The following ZFYVE28 variants were observed in gnomAD, a reference collection of about 807,000 sequenced individuals.
The protein encoded by ZFYVE28 is zinc finger FYVE-type containing 28.
A neutral mutation model predicts 82.1 loss-of-function variants in ZFYVE28; 40 were observed. The ratio of observed to expected loss-of-function variants is 0.49; its 90% CI spans 0.38 to 0.63. The LOEUF (loss-of-function observed/expected upper bound fraction) is 0.63, where lower values mean the gene tolerates loss of function less well. Ranked by LOEUF, ZFYVE28 falls within the 30% of genes least tolerant of loss-of-function variation. The pLI, the probability that ZFYVE28 is intolerant of heterozygous loss-of-function variation, is 0.00. For synonymous variants in ZFYVE28, 612 were observed against 546.1 expected (o/e 1.12, Z -1.68); for missense variants, 1,321 against 1,242.1 (o/e 1.06, Z -0.96).
At chr4:2,377,136 C>G (rs1728237237) in intron 1 of ZFYVE28, among the ~76,000 whole-genome samples, 1 of 152,024 alleles carries the variant, frequency 6.6e-6, no homozygotes, top group Non-Finnish European at 1.5e-5. Flanking sequence ...ATTCTCCTGC[C>G]TCAGCCTCCC....
intron 1 of ZFYVE28, among the ~76,000 whole-genome samples, chr4:2,370,814 C>T (rs1253722122): frequency 2.0e-5 from 3 of 152,234 alleles, no homozygotes; most frequent in Non-Finnish European, 2.9e-5. Flanking sequence ...CTCCTGCCCA[C>T]ACTGTGATGC....
chr4:2,416,442 C>G lies in ZFYVE28; in HGVS notation c.39+1843G>C, dbSNP rs1733044682. ...GTTAGTTAAGACCTAAGACACATTT[C>G]TCCAGCTGCCTCCCGCCATTTGTCA... On this transcript the variant is annotated intron_variant, in intron 1 of 12. Transcript: ENST00000290974. This position sits in a 1 kb window ranked among gnomAD's most constrained non-coding sequence, Gnocchi z 4.6. Among the ~76,000 whole-genome samples the G allele has an allele frequency of 6.6e-6, 1 of 152,244 alleles. No individual in the cohort carries two copies. Among genetic ancestry groups the G allele is most frequent in the African/African-American group, 2.4e-5 (1 of 41,466 alleles).
At chr4:2,306,429 C>T (rs910147144) in intron 7 of ZFYVE28, among the ~76,000 whole-genome samples, 15 of 152,202 alleles carry the variant, frequency 9.9e-5, no homozygotes, top group African/African-American at 3.4e-4. Flanking sequence ...ACCAGGCCCC[C>T]GGCACCCTGG....
At chr4:2,378,717 G>A (rs1200893517) in intron 1 of ZFYVE28, among the ~76,000 whole-genome samples, 1 of 152,122 alleles carries the variant, frequency 6.6e-6, no homozygotes, top group Non-Finnish European at 1.5e-5. Flanking sequence ...ACTAGGTATT[G>A]ATCCACCCCT....
At chr4:2,273,151 C>A (rs751930679) in intron 10 of ZFYVE28, 22 bp downstream of exon 10, 2 of 1,594,870 alleles carry the variant, frequency 1.3e-6, no homozygotes, top group Non-Finnish European at 1.7e-6. Context: ...GGCCTCAGAG[C>A]CCGTCCTGAG....
At chr4:2,400,850 C>A (rs909117297) in intron 1 of ZFYVE28, among the ~76,000 whole-genome samples, 4 of 152,230 alleles carry the variant, frequency 2.6e-5, no homozygotes, top group Admixed American at 2.6e-4. Flanking sequence ...CCCACTAACT[C>A]AAATGTTAAC....
intron 1 of ZFYVE28, among the ~76,000 whole-genome samples, chr4:2,411,247 C>T (rs1269818128): frequency 4.6e-5 from 7 of 152,100 alleles, no homozygotes; most frequent in African/African-American, 1.4e-4. Flanking sequence ...GTGTCCCCTA[C>T]ACCCCCTGCC....
intron 1 of ZFYVE28, among the ~76,000 whole-genome samples, chr4:2,415,893 C>T (rs960942618): frequency 6.6e-6 from 1 of 152,238 alleles, no homozygotes; most frequent in African/African-American, 2.4e-5. Context: ...GTTCAGACTG[C>T]CCACAGGGCA....
At chr4:2,312,653 A>C (rs1021139854) in intron 7 of ZFYVE28, among the ~76,000 whole-genome samples, 1 of 142,380 alleles carries the variant, frequency 7.0e-6, no homozygotes, top group East Asian at 2.1e-4. Flanking sequence ...GCATGAACCC[A>C]GGAGGCGGAG....
At chr4:2,308,426 C>T (rs1253693522) in intron 7 of ZFYVE28, among the ~76,000 whole-genome samples, 1 of 145,286 alleles carries the variant, frequency 6.9e-6, no homozygotes, top group Non-Finnish European at 1.5e-5. Flanking sequence ...CGTTCTGCTG[C>T]TGCTTGGCTA....
intron 2 of ZFYVE28, among the ~76,000 whole-genome samples, chr4:2,345,330 T>C (rs976598837): frequency 6.6e-6 from 1 of 152,174 alleles, no homozygotes; most frequent in Admixed American, 6.5e-5. Context: ...AGACGGTTGT[T>C]ATAACTGATT....
At chr4:2,377,592 G>A (rs957471055) in intron 1 of ZFYVE28, among the ~76,000 whole-genome samples, 8 of 152,220 alleles carry the variant, frequency 5.3e-5, no homozygotes, top group South Asian at 4.2e-4. Flanking sequence ...TCTAAAATTC[G>A]GGGCTGCCAG....
At position 2,341,571 on chromosome 4, in the gene ZFYVE28, G is replaced by A. The variant is rs961147640; in HGVS notation, c.225C>T (p.Ile75=). The change falls in exon 3 of 13, where the codon ATC becomes ATT. Residue 75 remains isoleucine, a synonymous_variant. Coordinates refer to ENST00000290974, the MANE Select transcript of ZFYVE28 (RefSeq NM_020972.3). This position sits in a 1 kb window ranked among gnomAD's most constrained non-coding sequence, Gnocchi z 4.5. ...NIINQIMDEC[I]PQDRAPRDFC... ...AATCTCTGGGGGCGCGGTCCTGGGG[G>A]ATGCACTCATCCATGATCTGGTTAA... The A allele has an allele frequency of 3.1e-6, 5 of 1,614,002 alleles. No individual in the cohort carries two copies. The highest frequency in any genetic ancestry group is 4.2e-6 in the Non-Finnish European group (5 of 1,179,938).
intron 1 of ZFYVE28, among the ~76,000 whole-genome samples, chr4:2,415,395 T>C (rs1017939473): frequency 2.0e-5 from 3 of 151,022 alleles, no homozygotes; most frequent in African/African-American, 4.9e-5. Flanking sequence ...GGCAGGAGGA[T>C]TGCTTGAGGC....
At chr4:2,324,169 G>A (rs548370421) in intron 6 of ZFYVE28, among the ~76,000 whole-genome samples, 7 of 152,148 alleles carry the variant, frequency 4.6e-5, no homozygotes, top group Non-Finnish European at 1.0e-4. Context: ...TGGGAACCCG[G>A]AGAAGAGTTG....
At chr4:2,333,035 C>T (rs1430138234) in intron 6 of ZFYVE28, among the ~76,000 whole-genome samples, 1 of 151,994 alleles carries the variant, frequency 6.6e-6, no homozygotes, top group Non-Finnish European at 1.5e-5. Flanking sequence ...CCTTCACCTC[C>T]TGGGGGTCCC....
chr4:2,405,868 TG>T, intron 1 of ZFYVE28, among the ~76,000 whole-genome samples: 1 of 151,530 alleles, frequency 6.6e-6, no homozygotes, highest in East Asian at 1.9e-4. Context: ...GCCAACATGG[TG>T]AAACCCCCAT....
At chr4:2,286,577 A>C (rs1712778699) in intron 8 of ZFYVE28, 1 of 152,260 alleles carries the variant, frequency 6.6e-6, no homozygotes, top group South Asian at 2.1e-4. Context: ...CAGGCATCTG[A>C]CGCATGGATG....
rs555783625 is a variant in ZFYVE28 at position 2,273,162 on chromosome 4, T to C, written c.2323+11A>G. 1.2e-6 allele frequency: 2 copies of C among 1,608,274 alleles called. No homozygotes were observed. The highest frequency in any genetic ancestry group is 8.5e-7 in the Non-Finnish European group (1 of 1,175,916). ...CGCAGGCCTCAGAGCCCGTCCTGAG[T>C]GGGCACTCACCCTTCCTTAACTTTT... On this transcript the variant is annotated intron_variant, in intron 10 of 12. Coordinates refer to ENST00000290974, the MANE Select transcript of ZFYVE28 (RefSeq NM_020972.3).
Sources: gnomAD v4.1 joint callset for allele counts (sites outside exome capture counted in the v4.1 genomes callset) on GRCh38, gnomAD v4.1.1 for gene constraint, Gnocchi (gnomAD v3.1) non-coding constraint, MANE v1.5 for transcripts, NCBI Gene and HGNC (gene_info 2026-07-23, HGNC 2026-07-21) for gene names.